SPMIP7: variants seen among roughly 807,000 people sequenced by gnomAD.
The protein encoded by SPMIP7 is protein SPMIP7.
chr7:50,155,773 G>T, the SPMIP7 span, among the ~76,000 whole-genome samples: 1 of 4,700 alleles, frequency 2.1e-4, no homozygotes, highest in African/African-American at 7.6e-4. Flanking sequence ...TGACTCTTGG[G>T]GGTCCTCGCA....
chr7:50,132,829 A>G, the SPMIP7 span, among the ~76,000 whole-genome samples: 1 of 152,220 alleles, frequency 6.6e-6, no homozygotes, highest in Non-Finnish European at 1.5e-5. Context: ...AAATTTTCAC[A>G]GCATTCCTAT....
chr7:50,158,762 C>T, the SPMIP7 span, among the ~76,000 whole-genome samples: 188 of 152,198 alleles, frequency 1.2e-3, no homozygotes, highest in Admixed American at 2.0e-3. Flanking sequence ...AGAGAGCTCT[C>T]CCCAGCGTGC....
the SPMIP7 span, among the ~76,000 whole-genome samples, chr7:50,135,844 T>G: frequency 1.3e-5 from 2 of 152,142 alleles, no homozygotes; most frequent in African/African-American, 4.8e-5. Context: ...GGTTTCGGTA[T>G]GAAACAGGTG....
At chr7:50,125,241 C>CAT in the SPMIP7 span, among the ~76,000 whole-genome samples, 14 of 35,834 alleles carry the variant, frequency 3.9e-4, no homozygotes, top group Non-Finnish European at 5.3e-4. Context: ...TATATATACA[C>CAT]ATATATACAC....
chr7:50,127,787 G>T, the SPMIP7 span, among the ~76,000 whole-genome samples: 1 of 151,788 alleles, frequency 6.6e-6, no homozygotes, highest in Non-Finnish European at 1.5e-5. Context: ...CAGTTAAAAT[G>T]TCTTTTATCA....
chr7:50,136,085 C>T, the SPMIP7 span: 688,514 of 1,533,302 alleles, frequency 0.45, 159,246 homozygotes, highest in East Asian at 0.72. Context: ...TTGATTTTGA[C>T]GATTATTTTT....
chr7:50,151,029 T>C, the SPMIP7 span, among the ~76,000 whole-genome samples: 10 of 152,340 alleles, frequency 6.6e-5, no homozygotes, highest in South Asian at 1.9e-3. Flanking sequence ...AAAGTAACAA[T>C]GCTATAAATG....
the SPMIP7 span, chr7:50,151,696 C>G: frequency 1.6e-6 from 1 of 613,330 alleles, no homozygotes; most frequent in Non-Finnish European, 2.6e-6. Flanking sequence ...AAGTCCGAAA[C>G]AGAAAAAAAG....
At chr7:50,149,864 G>A in the SPMIP7 span, among the ~76,000 whole-genome samples, 2 of 152,178 alleles carry the variant, frequency 1.3e-5, no homozygotes, top group African/African-American at 2.4e-5. Context: ...AAATTGCAGT[G>A]TGAATCCTTC....
chr7:50,122,786 C>T, the SPMIP7 span, among the ~76,000 whole-genome samples: 1 of 152,176 alleles, frequency 6.6e-6, no homozygotes, highest in Non-Finnish European at 1.5e-5. Flanking sequence ...CAAAAGAAGA[C>T]ATTTATGCAG....
the SPMIP7 span, chr7:50,158,939 G>C: frequency 2.6e-6 from 3 of 1,167,042 alleles, no homozygotes; most frequent in East Asian, 8.0e-5. Flanking sequence ...TGCAGTGCGC[G>C]CTCCCCTCCC....
the SPMIP7 span, chr7:50,104,463 T>TTA: frequency 0.73 from 319,575 of 438,672 alleles, 120,327 homozygotes; most frequent in East Asian, 0.86. Flanking sequence ...TTTCATTGTA[T>TTA]TATATATATA....
chr7:50,143,891 T>TG, the SPMIP7 span, among the ~76,000 whole-genome samples: 7 of 152,238 alleles, frequency 4.6e-5, no homozygotes, highest in Non-Finnish European at 2.9e-5. Context: ...CACATAATTA[T>TG]GGGTACATGT....
the SPMIP7 span, chr7:50,134,127 T>C: frequency 6.5e-7 from 1 of 1,547,302 alleles, no homozygotes; most frequent in Non-Finnish European, 8.7e-7. Flanking sequence ...AGATGTTCCT[T>C]GGGATAAGAT....
At chr7:50,142,963 C>T in the SPMIP7 span, 2 of 152,128 alleles carry the variant, frequency 1.3e-5, no homozygotes, top group Admixed American at 1.3e-4. Context: ...AGCACATGCG[C>T]CTACTTTGTG....
chr7:50,132,467 T>A, the SPMIP7 span, among the ~76,000 whole-genome samples: 1 of 152,164 alleles, frequency 6.6e-6, no homozygotes. Context: ...TATGACAAAG[T>A]ATCAAATCAT....
the SPMIP7 span, among the ~76,000 whole-genome samples, chr7:50,127,620 T>C: frequency 6.9e-6 from 1 of 145,494 alleles, no homozygotes; most frequent in Non-Finnish European, 1.5e-5. Flanking sequence ...TCTTTTTCTA[T>C]ATATATATAT....
At chr7:50,102,674 T>C in the SPMIP7 span, among the ~76,000 whole-genome samples, 5 of 152,198 alleles carry the variant, frequency 3.3e-5, no homozygotes, top group East Asian at 9.7e-4. Context: ...AGTTTCTCAG[T>C]CAAATATTGA....
chr7:50,100,582 G>A, the SPMIP7 span, among the ~76,000 whole-genome samples: 1 of 152,100 alleles, frequency 6.6e-6, no homozygotes, highest in Admixed American at 6.6e-5. Flanking sequence ...GGAAGCCAAG[G>A]CAGGTGGATC....
Sources: gnomAD v4.1 joint callset for allele counts (sites outside exome capture counted in the v4.1 genomes callset) on GRCh38, gnomAD v4.1.1 for gene constraint, MANE v1.5 for transcripts, NCBI Gene and HGNC (gene_info 2026-07-23, HGNC 2026-07-21) for gene names.